Variants in BTD observed in about 807,000 individuals in gnomAD.
BTD encodes biocytinase.
Under a neutral mutation model 17.7 loss-of-function variants are expected in BTD, and 13 were observed. That is an observed-to-expected ratio of 0.74 (90% CI 0.48 to 1.17). The LOEUF (loss-of-function observed/expected upper bound fraction) is 1.17. BTD is among the 50% of genes most tolerant of loss of function. The probability of loss-of-function intolerance (pLI) is 0.00; values close to 1 mark genes in which losing one functional copy is unlikely to be tolerated. For missense variants in BTD, 674 were observed against 650.4 expected, an observed-to-expected ratio of 1.04 and a Z score of -0.39; for synonymous variants, 240 against 245.2, an observed-to-expected ratio of 0.98 and a Z score of 0.20.
At position 15,620,898 on chromosome 3, in the gene BTD, A is replaced by G. The variant is rs191893066; in HGVS notation, c.-16-14526A>G. On this transcript the variant is annotated intron_variant, in intron 1 of 3. Coordinates refer to ENST00000643237, the MANE Select transcript of BTD (RefSeq NM_001370658.1). ...ACAATTATGGAGGCTGAAAAGTCCAATAACAGGCCATCTGCAAGCTGGAGA... is the reference window on the plus strand; with the variant it reads ...ACAATTATGGAGGCTGAAAAGTCCAGTAACAGGCCATCTGCAAGCTGGAGA... Among the ~76,000 whole-genome samples, 85 of 152,342 alleles carry G rather than the reference A, an allele frequency of 5.6e-4. 1 individual carries two copies. Among genetic ancestry groups the G allele is most frequent in the African/African-American group, 1.9e-3 (80 of 41,578 alleles).
At chr3:15,714,018 AC>A (rs149716329), downstream of BTD, among the ~76,000 whole-genome samples, 857 of 152,302 alleles carry the variant, frequency 5.6e-3, 6 homozygotes, top group African/African-American at 0.02. Flanking sequence ...TGGATCATGA[AC>A]CTATTTCAAC....
exon 4 of BTD, chr3:15,712,038 C>T: frequency 4.5e-6 from 4 of 884,030 alleles, no homozygotes; most frequent in African/African-American, 3.3e-5. Flanking sequence ...ATTATCCATA[C>T]TGGACCCATC....
chr3:15,644,861 C>G lies in BTD; in HGVS notation c.945C>G (p.Ala315=). ...MENPKSHLII[A]QVAKNPVGLI... is the part of the protein sequence containing the mutation. ...ATCCCAAAAGTCACCTTATAATTGC[C>G]CAGGTGGCCAAAAATCCAGTGGGTC... is the stretch of plus-strand genomic sequence containing the variant. Residue 315 remains alanine (A), a synonymous_variant, in exon 4 of 4, where the codon GCC becomes GCG. Coordinates refer to ENST00000643237, the MANE Select transcript of BTD (RefSeq NM_001370658.1). The G allele has an allele frequency of 6.2e-7, 1 of 1,614,088 alleles. No individual in the cohort carries two copies. Among genetic ancestry groups the G allele is most frequent in the South Asian group, 1.1e-5 (1 of 91,074 alleles).
At chr3:15,624,934 T>C (rs2065032374) in intron 1 of BTD, among the ~76,000 whole-genome samples, 1 of 152,200 alleles carries the variant, frequency 6.6e-6, no homozygotes, top group Non-Finnish European at 1.5e-5. Context: ...GGTTTTGCCA[T>C]GTTGGCCAGG....
chr3:15,601,687 G>GCTCTCTTC (rs1477358075), upstream of BTD: 1 of 1,556,298 alleles, frequency 6.4e-7, no homozygotes, highest in Admixed American at 2.0e-5. Context: ...TCAGAACTGC[G>GCTCTCTTC]CTCTCTTCTC....
intron 3 of BTD, among the ~76,000 whole-genome samples, chr3:15,709,039 C>T (rs755226790): frequency 2.6e-5 from 4 of 152,264 alleles, no homozygotes; most frequent in Middle Eastern, 3.4e-3. Context: ...AATTCCTACT[C>T]TAAGTAACTT....
intron 3 of BTD, chr3:15,675,752 T>C: frequency 1.7e-6 from 1 of 604,440 alleles, no homozygotes; most frequent in Non-Finnish European, 2.6e-6. Flanking sequence ...TCTTTTGCCC[T>C]TATTCCTTTG....
chr3:15,602,537 T>A (rs1366087129), intron 1 of BTD, among the ~76,000 whole-genome samples: 1 of 152,164 alleles, frequency 6.6e-6, no homozygotes, highest in African/African-American at 2.4e-5. Flanking sequence ...CTCTGCTCAG[T>A]GACAATAAAC....
intron 3 of BTD, chr3:15,676,020 T>TATGTGC (rs780772349): frequency 3.8e-6 from 6 of 1,575,140 alleles, no homozygotes; most frequent in Admixed American, 3.4e-5. Flanking sequence ...CATGTACACA[T>TATGTGC]ATGTGCATGT....
intron 3 of BTD, among the ~76,000 whole-genome samples, chr3:15,691,531 G>A (rs994959231): frequency 1.3e-5 from 2 of 152,188 alleles, no homozygotes; most frequent in Admixed American, 1.3e-4. Context: ...TAAATGCTGA[G>A]CAGGACATAA....
chr3:15,715,994 CTTTTT>C (rs5846874), downstream of BTD, among the ~76,000 whole-genome samples: 1 of 142,712 alleles, frequency 7.0e-6, no homozygotes, highest in Non-Finnish European at 1.6e-5. Flanking sequence ...TTTTTTCTCT[CTTTTT>C]TTTTTTTGAG....
intron 3 of BTD, chr3:15,677,755 G>A (rs1434929874): frequency 2.2e-6 from 1 of 454,108 alleles, no homozygotes. Flanking sequence ...TGTTGTATAA[G>A]TCACACACTC....
chr3:15,643,130 A>T (rs1012293284), intron 3 of BTD, among the ~76,000 whole-genome samples: 1 of 152,136 alleles, frequency 6.6e-6, no homozygotes, highest in African/African-American at 2.4e-5. Flanking sequence ...CGCTTAAAAA[A>T]CTTTGATTTC....
chr3:15,605,340 T>C (rs556769419), intron 1 of BTD, among the ~76,000 whole-genome samples: 5 of 152,174 alleles, frequency 3.3e-5, no homozygotes, highest in Non-Finnish European at 5.9e-5. Context: ...TTGAGACTTA[T>C]TTGCTATCAC....
chr3:15,694,815 T>C, intron 3 of BTD: 1 of 1,613,066 alleles, frequency 6.2e-7, no homozygotes, highest in East Asian at 2.2e-5. Flanking sequence ...TTCCATTAAC[T>C]GAAAAAGAAG....
chr3:15,663,674 T>A (rs932527146), intron 3 of BTD, among the ~76,000 whole-genome samples: 2 of 152,208 alleles, frequency 1.3e-5, no homozygotes, highest in Non-Finnish European at 2.9e-5. Flanking sequence ...AAGTCTCTTC[T>A]CATTTCTGAT....
intron 3 of BTD, chr3:15,690,222 T>C: frequency 6.4e-7 from 1 of 1,563,244 alleles, no homozygotes; most frequent in Non-Finnish European, 8.7e-7. Context: ...ATGATAGGCC[T>C]AGAAATAAAT....
downstream of BTD, among the ~76,000 whole-genome samples, chr3:15,656,672 A>G (rs1304778637): frequency 6.6e-6 from 1 of 152,192 alleles, no homozygotes; most frequent in East Asian, 1.9e-4. Flanking sequence ...ACAAAAACAA[A>G]GACTCAATTT....
chr3:15,612,658 C>T (rs1358200900), intron 1 of BTD, among the ~76,000 whole-genome samples: 3 of 149,874 alleles, frequency 2.0e-5, no homozygotes, highest in African/African-American at 7.3e-5. Context: ...GCTTTTATTT[C>T]TGGTGAGTTT....
Sources: allele counts gnomAD v4.1 joint callset (sites outside exome capture counted in the v4.1 genomes callset), GRCh38; gene constraint gnomAD v4.1.1; transcripts MANE v1.5; gene names NCBI Gene and HGNC (gene_info 2026-07-23, HGNC 2026-07-21).